The following IMMP2L variants were observed in gnomAD, a reference collection of about 807,000 sequenced individuals.
The protein encoded by IMMP2L is inner mitochondrial membrane peptidase subunit 2.
A neutral mutation model predicts 19.3 loss-of-function variants in IMMP2L; 18 were observed. The observed-to-expected ratio is 0.93, with a 90% CI of 0.64 to 1.38. The LOEUF is 1.38. Among genes scored for constraint, IMMP2L ranks in the 40% most tolerant of loss-of-function variants. IMMP2L has a pLI of 0.00. For synonymous variants in IMMP2L, 76 were observed against 73.0 expected (o/e 1.04, Z -0.21); for missense variants, 233 against 218.2 (o/e 1.07, Z -0.43).
At chr7:111,250,907 G>C (rs1009755512) in intron 3 of IMMP2L, among the ~76,000 whole-genome samples, 1 of 152,132 alleles carries the variant, frequency 6.6e-6, no homozygotes, top group Non-Finnish European at 1.5e-5. Context: ...TGACAAATGG[G>C]ATCTAATCAT....
intron 3 of IMMP2L, among the ~76,000 whole-genome samples, chr7:111,174,541 T>C (rs1285612276): frequency 6.6e-6 from 1 of 151,772 alleles, no homozygotes; most frequent in Non-Finnish European, 1.5e-5. Context: ...ACGGGAAATA[T>C]ACAGCCTAAA....
chr7:111,190,962 A>G (rs946070104), intron 3 of IMMP2L, among the ~76,000 whole-genome samples: 2 of 152,252 alleles, frequency 1.3e-5, no homozygotes, highest in South Asian at 4.1e-4. Flanking sequence ...CCTGACCCAT[A>G]GCAAACATCA....
chr7:110,881,290 CT>C (rs920325004), intron 5 of IMMP2L, among the ~76,000 whole-genome samples: 2 of 152,020 alleles, frequency 1.3e-5, no homozygotes, highest in Admixed American at 1.3e-4. Flanking sequence ...AGATGTATGC[CT>C]TTGTCTATAC....
chr7:111,381,151 T>C (rs1039962434), intron 3 of IMMP2L, among the ~76,000 whole-genome samples: 1 of 151,944 alleles, frequency 6.6e-6, no homozygotes, highest in Non-Finnish European at 1.5e-5. Flanking sequence ...TTGGTATTAG[T>C]AGGGTGCAAA....
chr7:110,928,904 T>A (rs1815171229), intron 4 of IMMP2L, among the ~76,000 whole-genome samples: 1 of 152,104 alleles, frequency 6.6e-6, no homozygotes, highest in African/African-American at 2.4e-5. Flanking sequence ...CCACAAAATG[T>A]AGTGACCTAG....
Position 111,168,324 on chromosome 7 carries a change from AT to A in IMMP2L, c.240-204760del, listed in dbSNP as rs1488714785. Among the ~76,000 whole-genome samples the A allele has an allele frequency of 5.9e-5, 9 of 151,572 alleles. No homozygotes were observed. In the South Asian group the frequency reaches 1.5e-3, roughly 24 times the overall value. On this transcript the variant is annotated intron_variant, in intron 3 of 5. Transcript: ENST00000405709. Reference sequence around the variant, plus strand: ...CCTGAACCTTTGCTTTTATTTGAGCATTCTAAACTCATTTAGCTGGAAAACC... The same window carrying A: ...CCTGAACCTTTGCTTTTATTTGAGCATCTAAACTCATTTAGCTGGAAAACC...
intron 3 of IMMP2L, among the ~76,000 whole-genome samples, chr7:111,455,520 T>C (rs1172089344): frequency 2.0e-5 from 3 of 152,014 alleles, no homozygotes; most frequent in Admixed American, 1.3e-4. Context: ...CAAAATAAAA[T>C]ACTGCAGCAT....
chr7:111,459,515 C>A (rs1839959515), intron 3 of IMMP2L, among the ~76,000 whole-genome samples: 3 of 151,978 alleles, frequency 2.0e-5, no homozygotes, highest in Admixed American at 2.0e-4. Context: ...ACAAACATTC[C>A]TTTATATCTT....
intron 3 of IMMP2L, among the ~76,000 whole-genome samples, chr7:111,442,708 T>G (rs1472511618): frequency 2.0e-5 from 3 of 151,858 alleles, no homozygotes; most frequent in Non-Finnish European, 4.4e-5. Context: ...TGGATGCAGC[T>G]AATAAAGCAC....
At chr7:110,671,386 C>G (rs1419118498) in intron 5 of IMMP2L, among the ~76,000 whole-genome samples, 1 of 152,052 alleles carries the variant, frequency 6.6e-6, no homozygotes, top group East Asian at 1.9e-4. Context: ...TTTCTTGCCT[C>G]CCATGGATCA....
chr7:111,145,912 G>A (rs1178142353), intron 3 of IMMP2L, among the ~76,000 whole-genome samples: 1 of 152,090 alleles, frequency 6.6e-6, no homozygotes, highest in East Asian at 1.9e-4. Flanking sequence ...CTATTCTCTG[G>A]ATATGTTGGC....
At chr7:110,888,225 T>C (rs929232934) in intron 4 of IMMP2L, among the ~76,000 whole-genome samples, 1 of 152,208 alleles carries the variant, frequency 6.6e-6, no homozygotes, top group Non-Finnish European at 1.5e-5. Flanking sequence ...CTTACCATCA[T>C]ATACTCTGTA....
intron 5 of IMMP2L, among the ~76,000 whole-genome samples, chr7:110,770,929 T>C: frequency 6.6e-6 from 1 of 152,120 alleles, no homozygotes; most frequent in Non-Finnish European, 1.5e-5. Context: ...AGCTGTGTTG[T>C]TCCTGGTGGG....
chr7:110,963,495 C>A lies in IMMP2L; in HGVS notation c.305+5G>T. On this transcript the variant is annotated splice_donor_5th_base_variant and intron_variant, in intron 4 of 5. Coordinates refer to ENST00000405709, the MANE Select transcript of IMMP2L (RefSeq NM_032549.4). ...TTGAACTCAGAAACAACAGTAAATACTTACCTGACAATATCTCCTTCAAGA... is the reference window on the plus strand; with the variant it reads ...TTGAACTCAGAAACAACAGTAAATAATTACCTGACAATATCTCCTTCAAGA... 6.3e-7 allele frequency: 1 copy of A among 1,583,752 alleles called. No individual in the cohort carries two copies. Among genetic ancestry groups the A allele is most frequent in the South Asian group, 1.1e-5 (1 of 89,194 alleles).
At chr7:110,738,121 A>C (rs1796756530) in intron 5 of IMMP2L, among the ~76,000 whole-genome samples, 1 of 152,218 alleles carries the variant, frequency 6.6e-6, no homozygotes. Flanking sequence ...AAGCAGAAAA[A>C]CAATTCTGCT....
intron 4 of IMMP2L, among the ~76,000 whole-genome samples, chr7:110,922,151 A>G (rs1814363823): frequency 6.6e-6 from 1 of 152,320 alleles, no homozygotes; most frequent in Admixed American, 6.5e-5. Flanking sequence ...CTTTGCTTTG[A>G]AAATAGAAGC....
chr7:110,752,790 T>C (rs1797803203), intron 5 of IMMP2L, among the ~76,000 whole-genome samples: 1 of 151,986 alleles, frequency 6.6e-6, no homozygotes, highest in Admixed American at 6.6e-5. Flanking sequence ...TGACAATGTA[T>C]CTTGATGGTC....
rs1351581867 is a variant in IMMP2L, at chr7:111,213,038, C to A, written c.240-249473G>T. Among the ~76,000 whole-genome samples the A allele has an allele frequency of 2.0e-5, 3 of 152,222 alleles. No homozygotes were observed. The highest frequency in any genetic ancestry group is 4.4e-5 in the Non-Finnish European group (3 of 68,046). On this transcript the variant is annotated intron_variant, in intron 3 of 5. Coordinates refer to ENST00000405709, the MANE Select transcript of IMMP2L (RefSeq NM_032549.4). This position sits in a 1 kb window ranked among gnomAD's most constrained non-coding sequence, Gnocchi z 4.8. Reference sequence around the variant, plus strand: ...GGCAGGAGCTGGAAGCAGCCAGAAGCCCCGCCCTTCCAGGCACAGCTGCAG... The same window carrying A: ...GGCAGGAGCTGGAAGCAGCCAGAAGACCCGCCCTTCCAGGCACAGCTGCAG...
intron 1 of IMMP2L, among the ~76,000 whole-genome samples, chr7:111,530,939 G>C (rs898169224): frequency 2.6e-5 from 4 of 151,692 alleles, no homozygotes; most frequent in African/African-American, 9.7e-5. Flanking sequence ...AGACAAGTGA[G>C]ACATAAGACT....
Sources: allele counts gnomAD v4.1 joint callset (sites outside exome capture counted in the v4.1 genomes callset), GRCh38; gene constraint gnomAD v4.1.1; non-coding constraint Gnocchi (gnomAD v3.1); transcripts MANE v1.5; gene names NCBI Gene and HGNC (gene_info 2026-07-23, HGNC 2026-07-21).